KMT2C: variants seen among roughly 807,000 people sequenced by gnomAD.
KMT2C encodes the protein lysine methyltransferase 2C, also known as histone-lysine N-methyltransferase 2C.
Under a neutral mutation model 507.9 loss-of-function variants are expected in KMT2C, and 88 were observed. The observed-to-expected ratio is 0.17, with a 90% CI of 0.15 to 0.21. KMT2C has a LOEUF of 0.21. Ranked by LOEUF, KMT2C falls within the 10% of genes least tolerant of loss-of-function variation. KMT2C has a pLI of 1.00. For missense variants in KMT2C, 4,954 were observed against 5,957.8 expected (o/e 0.83, Z 5.55); for synonymous variants, 2,049 against 2,080.8 (o/e 0.98, Z 0.42).
intron 46 of KMT2C, among the ~76,000 whole-genome samples, chr7:152,155,546 A>G (rs1795739636): frequency 6.6e-6 from 1 of 152,216 alleles, no homozygotes; most frequent in African/African-American, 2.4e-5. Flanking sequence ...TCTACAAACA[A>G]CAATAAACCC....
At chr7:152,345,670 G>A (rs934584646) in intron 2 of KMT2C, among the ~76,000 whole-genome samples, 7 of 151,916 alleles carry the variant, frequency 4.6e-5, no homozygotes, top group South Asian at 2.1e-4. Flanking sequence ...GACAGTACCC[G>A]CCACCATGCT....
chr7:152,214,959 C>T (rs2094536978), intron 23 of KMT2C, among the ~76,000 whole-genome samples: 1 of 151,886 alleles, frequency 6.6e-6, no homozygotes, highest in Non-Finnish European at 1.5e-5. Flanking sequence ...TAGGTGTACA[C>T]ACACAGAGAG....
At chr7:152,301,762 G>A (rs2096570981) in intron 6 of KMT2C, among the ~76,000 whole-genome samples, 2 of 151,956 alleles carry the variant, frequency 1.3e-5, no homozygotes, top group South Asian at 2.1e-4. Flanking sequence ...AATTTACATG[G>A]AAAAACACTA....
chr7:152,157,984 A>G, intron 44 of KMT2C: 1 of 1,178,616 alleles, frequency 8.5e-7, no homozygotes, highest in Non-Finnish European at 1.1e-6. Context: ...GTGTAGCTCA[A>G]CTTTCTAAGA....
chr7:152,433,608 A>C (rs1211285228), intron 1 of KMT2C, among the ~76,000 whole-genome samples: 1 of 152,252 alleles, frequency 6.6e-6, no homozygotes, highest in Non-Finnish European at 1.5e-5. Flanking sequence ...TCAAATCTAA[A>C]AGAAAAAGCT....
chr7:152,209,442 G>A (rs59702037), intron 23 of KMT2C, among the ~76,000 whole-genome samples: 1,575 of 142,150 alleles, frequency 0.011, 40 homozygotes, highest in African/African-American at 0.042. Context: ...GGGCGACAGC[G>A]GGACTCCGTC....
intron 34 of KMT2C, among the ~76,000 whole-genome samples, chr7:152,184,616 AATCC>A (rs1229593822): frequency 6.6e-6 from 1 of 152,208 alleles, no homozygotes; most frequent in African/African-American, 2.4e-5. Context: ...GAGGCATGCC[AATCC>A]AGTCTCCAAA....
intron 7 of KMT2C, among the ~76,000 whole-genome samples, chr7:152,267,740 T>C (rs1428108729): frequency 6.6e-6 from 1 of 152,214 alleles, no homozygotes; most frequent in African/African-American, 2.4e-5. Flanking sequence ...TGTTAACCTC[T>C]GTATAAATTA....
intron 18 of KMT2C, among the ~76,000 whole-genome samples, chr7:152,229,485 GTTTT>G (rs1330484974): frequency 1.3e-5 from 2 of 152,132 alleles, no homozygotes; most frequent in East Asian, 3.8e-4. Context: ...TATGACACTT[GTTTT>G]GTTTCTTTTG....
intron 2 of KMT2C, among the ~76,000 whole-genome samples, chr7:152,347,282 G>T (rs147559391): frequency 6.6e-6 from 1 of 152,202 alleles, no homozygotes; most frequent in African/African-American, 2.4e-5. Context: ...ACATCAAGCA[G>T]TTCAACTTTT....
chr7:152,325,665 C>T (rs940818187), intron 3 of KMT2C, among the ~76,000 whole-genome samples: 1 of 151,938 alleles, frequency 6.6e-6, no homozygotes, highest in Non-Finnish European at 1.5e-5. Flanking sequence ...AGGCTGGTCT[C>T]GAACTCCTGG....
In KMT2C at chr7:152,199,427, T is replaced by C; in HGVS notation, c.4125A>G (p.Thr1375=). The part of the protein sequence containing the change: ...EAFFGKDLLD[T]SRQSKISLDN... ...CTAAACTTATCTTGCTTTGTCTACT[T>C]GTATCTAGAAGATCTTTTCCAAAGA... The change falls in exon 27 of 59, where the codon ACA becomes ACG. Residue 1375 remains threonine (T), a synonymous_variant. Coordinates refer to ENST00000262189, the MANE Select transcript of KMT2C (RefSeq NM_170606.3). The C allele has an allele frequency of 6.4e-7, 1 of 1,571,566 alleles. No individual in the cohort carries two copies. Among genetic ancestry groups the C allele is most frequent in the African/African-American group, 1.4e-5 (1 of 72,080 alleles).
intron 9 of KMT2C, among the ~76,000 whole-genome samples, chr7:152,255,150 T>C (rs868584988): frequency 2.2e-5 from 3 of 133,828 alleles, no homozygotes; most frequent in Non-Finnish European, 1.6e-5. Flanking sequence ...TATATACATA[T>C]ATATATATGT....
intron 3 of KMT2C, among the ~76,000 whole-genome samples, chr7:152,318,851 A>T (rs933221754): frequency 6.6e-6 from 1 of 152,198 alleles, no homozygotes; most frequent in Admixed American, 6.5e-5. Flanking sequence ...ACACACTAAC[A>T]AAATGATGAA....
At chr7:152,146,511 A>AGTGTT in intron 53 of KMT2C, 88 bp downstream of exon 53, 3 of 1,302,852 alleles carry the variant, frequency 2.3e-6, no homozygotes, top group Non-Finnish European at 2.2e-6. Context: ...CTTTCTGAAG[A>AGTGTT]GTGCCACAAA....
rs1361492722 is a variant in KMT2C, at chr7:152,160,825, C to T, written c.11460+1292G>A. Among the ~76,000 whole-genome samples the T allele has an allele frequency of 4.0e-5, 6 of 151,868 alleles. 1 individual carries two copies. Among genetic ancestry groups the T allele is most frequent in the South Asian group, 2.1e-4 (1 of 4,816 alleles). On this transcript the variant is annotated intron_variant, in intron 43 of 58. Transcript: ENST00000262189. Reference sequence around the variant, plus strand: ...ATAAACATGCTCAAAATGTAGTCTACGTCCTTCAAGGAGCTATTTAAATAA... The same window carrying T: ...ATAAACATGCTCAAAATGTAGTCTATGTCCTTCAAGGAGCTATTTAAATAA...
At chr7:152,364,341 C>T (rs192324382) in intron 1 of KMT2C, among the ~76,000 whole-genome samples, 9 of 152,300 alleles carry the variant, frequency 5.9e-5, no homozygotes, top group African/African-American at 2.2e-4. Flanking sequence ...GGTGTGGTGG[C>T]TCACGCCTCT....
intron 2 of KMT2C, among the ~76,000 whole-genome samples, chr7:152,347,527 GTT>G (rs2097071238): frequency 6.6e-6 from 1 of 152,150 alleles, no homozygotes; most frequent in Non-Finnish European, 1.5e-5. Context: ...CAACACTTGA[GTT>G]CACTGCAATA....
At chr7:152,430,824 A>G (rs2097857322) in intron 1 of KMT2C, among the ~76,000 whole-genome samples, 1 of 152,190 alleles carries the variant, frequency 6.6e-6, no homozygotes, top group African/African-American at 2.4e-5. Flanking sequence ...ATCAGCCACC[A>G]CACCCATCCT....
Sources: gnomAD v4.1 joint callset for allele counts (sites outside exome capture counted in the v4.1 genomes callset) on GRCh38, gnomAD v4.1.1 for gene constraint, MANE v1.5 for transcripts, NCBI Gene and HGNC (gene_info 2026-07-23, HGNC 2026-07-21) for gene names.